The following RCOR2 variants were observed in gnomAD, a reference collection of about 807,000 sequenced individuals.
The protein encoded by RCOR2 is REST corepressor 2.
In RCOR2, 19 loss-of-function variants were observed where a neutral mutation model predicts 58.9. That is an observed-to-expected ratio of 0.32 (90% CI 0.23 to 0.47). The LOEUF (loss-of-function observed/expected upper bound fraction) is 0.47, where lower values mean the gene tolerates loss of function less well. RCOR2 is among the 20% of genes least tolerant of loss of function. The probability of loss-of-function intolerance (pLI) is 1.00; values close to 1 mark genes in which losing one functional copy is unlikely to be tolerated. For missense variants in RCOR2, 590 were observed against 707.9 expected (o/e 0.83, Z 1.89); for synonymous variants, 286 against 278.7 (o/e 1.03, Z -0.26).
At position 63,914,718 on chromosome 11, in the gene RCOR2, G is replaced by A; in HGVS notation, c.417C>T (p.Asp139=). The part of the protein sequence containing the change: ...TPFPDEWTVE[D]KVLFEQAFGF... ...CAAAGGCCTGTTCAAACAGCACCTT[G>A]TCCTCTACTGTCCACTCGTCAGGGA... Residue 139 remains aspartate, a synonymous_variant, in exon 5 of 12, where the codon GAC becomes GAT. Coordinates refer to ENST00000301459, the MANE Select transcript of RCOR2 (RefSeq NM_173587.4). The A allele has an allele frequency of 1.2e-6, 2 of 1,613,368 alleles. No individual in the cohort carries two copies. Among genetic ancestry groups the A allele is most frequent in the Non-Finnish European group, 1.7e-6 (2 of 1,179,684 alleles).
chr11:63,913,682 A>T (rs1031962421), intron 8 of RCOR2, among the ~76,000 whole-genome samples: 2 of 151,472 alleles, frequency 1.3e-5, no homozygotes, highest in African/African-American at 4.9e-5. Context: ...AGGTTTCACT[A>T]TGTTGGCCAG....
At chr11:63,919,127 T>A (rs1291056349), upstream of RCOR2, among the ~76,000 whole-genome samples, 1 of 151,982 alleles carries the variant, frequency 6.6e-6, no homozygotes, top group Non-Finnish European at 1.5e-5. Flanking sequence ...CAATGAGGCT[T>A]CTGCCTAGGA....
chr11:63,911,749 T>G lies in RCOR2; in HGVS notation c.*116A>C. 1 of 1,382,026 alleles carries G rather than the reference T, an allele frequency of 7.2e-7. No homozygotes were observed. The highest frequency in any genetic ancestry group is 9.3e-7 in the Non-Finnish European group (1 of 1,075,798). The allele number at this position is 1,382,026 out of a possible 1,614,324, so 85.6% of individuals were successfully genotyped here. A position where few individuals can be genotyped will look rare whatever the true frequency, so the allele number is the denominator to read the frequency against. The stretch of plus-strand genomic sequence containing the variant: ...GGGGCTGGGCTGTCCGAAACTCTGG[T>G]CTTACAAAGACCCCGCCAGAGCCCT... On this transcript the variant is annotated 3_prime_UTR_variant, in exon 12 of 12. Transcript: ENST00000301459.
chr11:63,918,530 G>A (rs539852518), upstream of RCOR2, among the ~76,000 whole-genome samples: 2 of 152,212 alleles, frequency 1.3e-5, no homozygotes, highest in Non-Finnish European at 2.9e-5. Flanking sequence ...CATGGATTGG[G>A]CACCAAGCCC....
At chr11:63,921,205 G>T (rs1219126767), upstream of RCOR2, among the ~76,000 whole-genome samples, 2 of 152,214 alleles carry the variant, frequency 1.3e-5, no homozygotes, top group Non-Finnish European at 2.9e-5. Flanking sequence ...TCCATGAGGG[G>T]GAGCCTGCTT....
In RCOR2 at chr11:63,912,905, G is replaced by C; in HGVS notation, c.934C>G (p.Leu312Val). The C allele has an allele frequency of 6.2e-7, 1 of 1,613,718 alleles. No homozygotes were observed. Among genetic ancestry groups the C allele is most frequent in the Non-Finnish European group, 8.5e-7 (1 of 1,179,914 alleles). ...CGTAGTGGATCAATACCGCCCTCCA[G>C]GGCTTGGCGCAGGCTGCTGTTCGTC... ...KQTNSSLRQA[L>V]EGGIDPLRPP... Residue 312 changes from leucine (L) to valine (V), a missense_variant, in exon 9 of 12, where the codon CTG becomes GTG. Leu to Val is a conservative substitution (Grantham distance 32). Around this residue, in one of 3 missense-constraint regions of RCOR2, gnomAD observed 390 missense variants for 478.7 expected, o/e 0.81. Coordinates refer to ENST00000301459, the MANE Select transcript of RCOR2 (RefSeq NM_173587.4).
chr11:63,913,682 A>G (rs1031962421), intron 8 of RCOR2, among the ~76,000 whole-genome samples: 14 of 151,472 alleles, frequency 9.2e-5, no homozygotes, highest in Non-Finnish European at 1.2e-4. Context: ...AGGTTTCACT[A>G]TGTTGGCCAG....
chr11:63,917,351 G>T (rs1386038333), upstream of RCOR2, among the ~76,000 whole-genome samples: 2 of 152,110 alleles, frequency 1.3e-5, no homozygotes, highest in Non-Finnish European at 2.9e-5. Context: ...CCGCTGCGGG[G>T]GCTCCCCTCG....
chr11:63,915,996 G>A (rs13377315), intron 1 of RCOR2, among the ~76,000 whole-genome samples: 5 of 152,288 alleles, frequency 3.3e-5, no homozygotes, highest in Non-Finnish European at 5.9e-5. Flanking sequence ...GTGTGGAGGT[G>A]TCTCTCCAGT....
chr11:63,911,667 G>T lies in RCOR2; in HGVS notation c.*198C>A. 1.2e-6 allele frequency: 1 copy of T among 856,464 alleles called. No individual in the cohort carries two copies. The highest frequency in any genetic ancestry group is 1.6e-6 in the Non-Finnish European group (1 of 615,764). 53.1% of individuals were successfully genotyped at this position (856,464 alleles called of 1,614,324 possible). On this transcript the variant is annotated 3_prime_UTR_variant, in exon 12 of 12. Transcript: ENST00000301459. ...GCCAGCTCAAAGGCCCCTGAGCCCG[G>T]CCATGGCCCCAGGAGACAGGCCCAG...
chr11:63,915,003 TA>T, intron 3 of RCOR2, 49 bp from the exon 4 acceptor site: 1 of 1,609,794 alleles, frequency 6.2e-7, no homozygotes, highest in South Asian at 1.1e-5. Flanking sequence ...TTATAGCTCC[TA>T]ACCCAGGCCT....
chr11:63,919,111 C>G (rs999274326), upstream of RCOR2, among the ~76,000 whole-genome samples: 1 of 152,062 alleles, frequency 6.6e-6, no homozygotes, highest in African/African-American at 2.4e-5. Context: ...TCCCTAGGCC[C>G]TGATGCAATG....
the RCOR2 span, among the ~76,000 whole-genome samples, chr11:63,927,345 A>G: frequency 6.6e-6 from 1 of 151,958 alleles, no homozygotes; most frequent in South Asian, 2.1e-4. Context: ...ATCACAGCTT[A>G]CTCAGCCTCA....
At chr11:63,920,999 G>C (rs1941911688), upstream of RCOR2, among the ~76,000 whole-genome samples, 2 of 152,256 alleles carry the variant, frequency 1.3e-5, no homozygotes, top group South Asian at 4.1e-4. Context: ...GGAGGCGGCA[G>C]AGGGAGGCAA....
rs1941839827 is a variant in RCOR2, at chr11:63,915,268, C to G, written c.185-10G>C. Reference sequence around the variant, plus strand: ...TAGCGTGCGGGGCTCTCTGAAAGGCCGAGGAGCAGGAGGGAAGACACTCAG... The same window carrying G: ...TAGCGTGCGGGGCTCTCTGAAAGGCGGAGGAGCAGGAGGGAAGACACTCAG... On this transcript the variant is annotated splice_polypyrimidine_tract_variant and intron_variant, in intron 2 of 11. Transcript: ENST00000301459. 1 of 1,550,958 alleles carries G rather than the reference C, an allele frequency of 6.4e-7. No homozygotes were observed.
chr11:63,912,066 C>G lies in RCOR2; in HGVS notation c.1371G>C (p.Leu457Phe). 3 of 1,433,442 alleles carry G rather than the reference C, an allele frequency of 2.1e-6. No individual in the cohort carries two copies. The highest frequency in any genetic ancestry group is 2.7e-6 in the Non-Finnish European group (3 of 1,101,494). 88.8% of individuals were successfully genotyped at this position (1,433,442 alleles called of 1,614,324 possible). A position where few individuals can be genotyped will look rare whatever the true frequency, so the allele number is the denominator to read the frequency against. The change falls in exon 12 of 12, where the codon TTG (leucine) becomes TTC (phenylalanine). Residue 457 changes from leucine (L) to phenylalanine (F), a missense_variant. By Grantham distance (22) the Leu-to-Phe change is conservative. Coordinates refer to ENST00000301459, the MANE Select transcript of RCOR2 (RefSeq NM_173587.4). The part of the protein sequence containing the change: ...SQPPPLLRPP[L>F]PTAPTLLRQP... Reference sequence around the variant, plus strand: ...GTCGGAGCAGAGTGGGAGCCGTGGGCAAAGGTGGCCTCAGCAGCGGGGGTG... The same window carrying G: ...GTCGGAGCAGAGTGGGAGCCGTGGGGAAAGGTGGCCTCAGCAGCGGGGGTG...
In RCOR2 at chr11:63,916,753, GGTTGGGGTTCCCCTGAA is replaced by G; in HGVS notation, c.-314_-298del. 1 of 347,512 alleles carries G rather than the reference GGTTGGGGTTCCCCTGAA, an allele frequency of 2.9e-6. No homozygotes were observed. The highest frequency in any genetic ancestry group is 2.1e-5 in the African/African-American group (1 of 47,084). 21.5% of individuals were successfully genotyped at this position (347,512 alleles called of 1,614,324 possible). A position where few individuals can be genotyped will look rare whatever the true frequency, so the allele number is the denominator to read the frequency against. On this transcript the variant is annotated 5_prime_UTR_variant, in exon 1 of 12. Transcript: ENST00000301459. Reference sequence around the variant, plus strand: ...CGTGATTACTATGTACGCCCCTCAGGGTTGGGGTTCCCCTGAAGTCGGGGCCCCCTGTCCTCGGGGCG... The same window carrying G: ...CGTGATTACTATGTACGCCCCTCAGGGTCGGGGCCCCCTGTCCTCGGGGCG...
rs200363865 is a variant in RCOR2 at position 63,912,852 on chromosome 11, C to T, written c.969+18G>A. ...AGAGAAACCCCCCTTTGCACCCTAA[C>T]TTAAAGAGCAGCCATACCTCCGGGG... On this transcript the variant is annotated intron_variant, in intron 9 of 11. Coordinates refer to ENST00000301459, the MANE Select transcript of RCOR2 (RefSeq NM_173587.4). 1.5e-5 allele frequency: 25 copies of T among 1,613,292 alleles called. No homozygotes were observed. In the East Asian group the frequency reaches 5.1e-4, roughly 33 times the overall value.
chr11:63,925,881 C>T, the RCOR2 span, among the ~76,000 whole-genome samples: 4 of 151,772 alleles, frequency 2.6e-5, no homozygotes, highest in Non-Finnish European at 5.9e-5. Flanking sequence ...ACCCAACCAA[C>T]CTCACTTGAA....
Sources: allele counts gnomAD v4.1 joint callset (sites outside exome capture counted in the v4.1 genomes callset), GRCh38; gene constraint gnomAD v4.1.1; regional missense constraint gnomAD v4.1.1; transcripts MANE v1.5; gene names NCBI Gene and HGNC (gene_info 2026-07-23, HGNC 2026-07-21).